Variants in DLGAP2 observed in about 807,000 individuals in gnomAD.
DLGAP2 encodes DLG associated protein 2, also known as disks large-associated protein 2.
Under a neutral mutation model 100.3 loss-of-function variants are expected in DLGAP2, and 26 were observed. The ratio of observed to expected loss-of-function variants is 0.26; its 90% CI spans 0.19 to 0.36. The LOEUF (loss-of-function observed/expected upper bound fraction) is 0.36, where lower values mean the gene tolerates loss of function less well. DLGAP2 is among the 10% of genes least tolerant of loss of function. The pLI is 1.00. For missense variants in DLGAP2, 1,858 were observed against 1,453.2 expected (o/e 1.28, Z -4.53); for synonymous variants, 886 against 630.1 (o/e 1.41, Z -6.08).
chr8:1,465,988 C>A (rs1361063437), intron 3 of DLGAP2, among the ~76,000 whole-genome samples: 1 of 152,260 alleles, frequency 6.6e-6, no homozygotes, highest in East Asian at 1.9e-4. Context: ...GAGAGACTCC[C>A]AACGTTACAG....
intron 3 of DLGAP2, among the ~76,000 whole-genome samples, chr8:1,270,229 G>A (rs1799552787): frequency 6.6e-6 from 1 of 152,172 alleles, no homozygotes; most frequent in East Asian, 1.9e-4. Flanking sequence ...GAATATGAGA[G>A]CTGTGAACCG....
intron 3 of DLGAP2, among the ~76,000 whole-genome samples, chr8:1,483,780 G>A (rs952681373): frequency 1.3e-5 from 2 of 152,294 alleles, no homozygotes; most frequent in South Asian, 4.1e-4. Context: ...TGGGGACCAG[G>A]GAGGCAGGCA....
chr8:1,244,208 C>T (rs1374741520), intron 2 of DLGAP2, among the ~76,000 whole-genome samples: 4 of 152,228 alleles, frequency 2.6e-5, no homozygotes, highest in Admixed American at 1.3e-4. Flanking sequence ...TTTGTAGGTG[C>T]ACGTACCTGT....
At chr8:825,625 A>G (rs932863125) in intron 1 of DLGAP2, among the ~76,000 whole-genome samples, 2 of 152,128 alleles carry the variant, frequency 1.3e-5, no homozygotes, top group Non-Finnish European at 2.9e-5. Flanking sequence ...CTTCCTCTTC[A>G]GTCTGAAGTT....
At chr8:1,339,155 G>C (rs1049618083) in intron 3 of DLGAP2, among the ~76,000 whole-genome samples, 1 of 150,926 alleles carries the variant, frequency 6.6e-6, no homozygotes, top group African/African-American at 2.4e-5. Flanking sequence ...TCAGGACCCG[G>C]GAGGGAAGGC....
At position 1,340,081 on chromosome 8, in the gene DLGAP2, A is replaced by G. The variant is rs1316139299; in HGVS notation, c.106+81198A>G. Reference sequence around the variant, plus strand: ...GGACCCCTTTCTTCCACCATATGCCAAAATTAATTCAAGATGCATTGAAGA... The same window carrying G: ...GGACCCCTTTCTTCCACCATATGCCGAAATTAATTCAAGATGCATTGAAGA... On this transcript the variant is annotated intron_variant, in intron 3 of 14. Transcript: ENST00000637795. Among the ~76,000 whole-genome samples, 6 of 152,322 alleles carry G rather than the reference A, an allele frequency of 3.9e-5. No homozygotes were observed. The East Asian group carries it at 1.2e-3, about 29-fold the overall frequency.
At chr8:1,349,599 C>G (rs1313021733) in intron 3 of DLGAP2, among the ~76,000 whole-genome samples, 1 of 141,270 alleles carries the variant, frequency 7.1e-6, no homozygotes, top group African/African-American at 2.7e-5. Context: ...TCATGAGCCT[C>G]CTGCCCACAT....
chr8:1,374,185 TGGA>T (rs1027685639), intron 3 of DLGAP2, among the ~76,000 whole-genome samples: 1 of 145,876 alleles, frequency 6.9e-6, no homozygotes, highest in African/African-American at 2.6e-5. Flanking sequence ...AGGGCTGTGG[TGGA>T]GGTTAGGGTC....
intron 1 of DLGAP2, among the ~76,000 whole-genome samples, chr8:813,983 G>C (rs1354162562): frequency 6.6e-6 from 1 of 152,070 alleles, no homozygotes; most frequent in Non-Finnish European, 1.5e-5. Context: ...CCTTAAAGGA[G>C]AAAACATACT....
At chr8:1,057,396 C>T (rs538552825) in intron 2 of DLGAP2, among the ~76,000 whole-genome samples, 2 of 152,296 alleles carry the variant, frequency 1.3e-5, no homozygotes, top group African/African-American at 4.8e-5. Flanking sequence ...AAATGCTGCA[C>T]GTATTTTCCA....
chr8:1,475,442 G>C (rs1038492860), intron 3 of DLGAP2, among the ~76,000 whole-genome samples: 3 of 152,160 alleles, frequency 2.0e-5, no homozygotes, highest in African/African-American at 7.2e-5. Context: ...GGAAAACAGA[G>C]CCCATAATGG....
intron 3 of DLGAP2, among the ~76,000 whole-genome samples, chr8:1,337,873 GC>G (rs1468440371): frequency 6.6e-6 from 1 of 152,162 alleles, no homozygotes; most frequent in Non-Finnish European, 1.5e-5. Flanking sequence ...TTAAAAATGG[GC>G]AAAATACTTG....
rs957891558 is a variant in DLGAP2, at chr8:1,708,038, T to A, written c.*6632T>A. ...ACTTACCAGAATGTTGGTCATTCCT[T>A]TAAGGCAGTTAAGGATTGCTTTATT... On this transcript the variant is annotated 3_prime_UTR_variant, in exon 15 of 15. Transcript: ENST00000637795. The A allele has an allele frequency of 2.0e-5, 3 of 152,626 alleles. No individual in the cohort carries two copies. Among genetic ancestry groups the A allele is most frequent in the Non-Finnish European group, 4.4e-5 (3 of 68,048 alleles). The allele number at this position is 152,626 out of a possible 1,614,324, so 9.5% of individuals were successfully genotyped here. A position where few individuals can be genotyped will look rare whatever the true frequency, so the allele number is the denominator to read the frequency against.
chr8:803,625 C>G lies in DLGAP2; in HGVS notation c.18+65800C>G, dbSNP rs1444696613. 4.6e-5 allele frequency among the ~76,000 whole-genome samples: 7 copies of G among 151,982 alleles called. 1 individual carries two copies. The highest frequency in any genetic ancestry group is 9.7e-5 in the African/African-American group (4 of 41,356). ...CTTTTAAGTTAGTTGTGGGTTCATTCTTTTATAAAACTCGAATCACAAGAT... is the reference window on the plus strand; with the variant it reads ...CTTTTAAGTTAGTTGTGGGTTCATTGTTTTATAAAACTCGAATCACAAGAT... On this transcript the variant is annotated intron_variant, in intron 1 of 14. Transcript: ENST00000637795.
At chr8:1,699,652 G>A (rs745885658) in intron 14 of DLGAP2, among the ~76,000 whole-genome samples, 3 of 152,092 alleles carry the variant, frequency 2.0e-5, no homozygotes, top group Admixed American at 1.3e-4. Context: ...GTTTCTCGCT[G>A]AGGGCAGAGC....
chr8:1,368,793 C>G (rs1197104595), intron 3 of DLGAP2: 1 of 152,192 alleles, frequency 6.6e-6, no homozygotes, highest in African/African-American at 2.4e-5. Context: ...GGCTTGAAAT[C>G]CAAGGCATCT....
At chr8:1,243,104 G>C (rs527253361) in intron 2 of DLGAP2, among the ~76,000 whole-genome samples, 19 of 152,264 alleles carry the variant, frequency 1.2e-4, no homozygotes, top group Non-Finnish European at 2.4e-4. Context: ...CTGACTGCTT[G>C]AATATTTGTC....
At chr8:1,036,653 C>T (rs1393565957) in intron 2 of DLGAP2, among the ~76,000 whole-genome samples, 1 of 152,072 alleles carries the variant, frequency 6.6e-6, no homozygotes, top group Non-Finnish European at 1.5e-5. Context: ...AAGGCAGGGC[C>T]TTGAACCGTG....
At chr8:797,663 C>T (rs1249812438) in intron 1 of DLGAP2, among the ~76,000 whole-genome samples, 1 of 152,340 alleles carries the variant, frequency 6.6e-6, no homozygotes, top group South Asian at 2.1e-4. Context: ...CTGCCTCATA[C>T]TCCCACCAGG....
Sources: allele counts gnomAD v4.1 joint callset (sites outside exome capture counted in the v4.1 genomes callset), GRCh38; gene constraint gnomAD v4.1.1; transcripts MANE v1.5; gene names NCBI Gene and HGNC (gene_info 2026-07-23, HGNC 2026-07-21).